TSC22D2: variants seen among roughly 807,000 people sequenced by gnomAD.
TSC22D2 encodes TSC22 domain family member 2.
TSC22D2 carries 5 observed loss-of-function variants against 50.1 expected under a neutral mutation model. The ratio of observed to expected loss-of-function variants is 0.10; its 90% CI spans 0.05 to 0.21. The LOEUF (loss-of-function observed/expected upper bound fraction) is 0.21, where lower values mean the gene tolerates loss of function less well. Among genes scored for constraint, TSC22D2 ranks in the 10% least tolerant of loss-of-function variants. The pLI is 1.00. For synonymous variants in TSC22D2, 501 were observed against 450.1 expected (o/e 1.11, Z -1.43); for missense variants, 1,003 against 1,015.5 (o/e 0.99, Z 0.17).
At chr3:150,457,003 CTT>C in intron 1 of TSC22D2, 71 bp from the exon 2 acceptor site, 1 of 1,341,250 alleles carries the variant, frequency 7.5e-7, no homozygotes, top group Non-Finnish European at 1.1e-6. Flanking sequence ...ACACAAATGT[CTT>C]TTACATTCTT....
rs1192857014 is a variant in TSC22D2, at chr3:150,411,266, C to G, written c.1916C>G (p.Ser639Cys). The change falls in exon 1 of 3, where the codon TCT (serine) becomes TGT (cysteine). Residue 639 changes from serine to cysteine, a missense_variant. By Grantham distance (112) the Ser-to-Cys change is moderately radical. Around this residue, in one of 6 missense-constraint regions of TSC22D2, gnomAD observed 696 missense variants for 647.8 expected, o/e 1.07. Coordinates refer to ENST00000688009, the MANE Select transcript of TSC22D2 (RefSeq NM_001303264.2). ...QLTPMNSLAT[S>C]VFSIAIPVDG... ...ACACCTATGAACAGTCTGGCCACCT[C>G]TGTATTCAGCATAGCTATTCCTGTT... 1.2e-6 allele frequency: 2 copies of G among 1,614,156 alleles called. No homozygotes were observed. Among genetic ancestry groups the G allele is most frequent in the Non-Finnish European group, 1.7e-6 (2 of 1,179,996 alleles).
rs527695257 is a variant in TSC22D2 at position 150,452,397 on chromosome 3, A to T, written c.1959-4679A>T. 2.0e-5 allele frequency among the ~76,000 whole-genome samples: 3 copies of T among 152,222 alleles called. No individual in the cohort carries two copies. The East Asian group carries it at 5.8e-4, about 29-fold the overall frequency. On this transcript the variant is annotated intron_variant, in intron 1 of 2. Transcript: ENST00000688009. ...GAGGAAGAAGTTGCGGTGAGCTGAGATCGCGCCATTTCACCCCAGCCTGGG... is the reference window on the plus strand; with the variant it reads ...GAGGAAGAAGTTGCGGTGAGCTGAGTTCGCGCCATTTCACCCCAGCCTGGG...
intron 1 of TSC22D2, among the ~76,000 whole-genome samples, chr3:150,424,337 T>C (rs1035613390): frequency 2.0e-5 from 3 of 152,230 alleles, no homozygotes; most frequent in African/African-American, 7.2e-5. Flanking sequence ...CTTTGGGGTA[T>C]GCTTTATAGT....
intron 1 of TSC22D2, among the ~76,000 whole-genome samples, chr3:150,415,261 C>T (rs912114075): frequency 1.3e-5 from 2 of 152,106 alleles, no homozygotes; most frequent in African/African-American, 4.8e-5. Flanking sequence ...GTGACACATA[C>T]TGTATAAAAT....
chr3:150,451,321 G>A (rs941078220), intron 1 of TSC22D2, among the ~76,000 whole-genome samples: 5 of 152,142 alleles, frequency 3.3e-5, no homozygotes, highest in Non-Finnish European at 5.9e-5. Context: ...GAACATTTTC[G>A]TTCTTAGCAA....
chr3:150,453,469 A>G (rs751203366), intron 1 of TSC22D2, among the ~76,000 whole-genome samples: 75 of 152,232 alleles, frequency 4.9e-4, no homozygotes, highest in Non-Finnish European at 9.8e-4. Flanking sequence ...TGGTATCTCC[A>G]TCGTAAATAT....
Position 150,411,006 on chromosome 3 carries a change from C to T in TSC22D2, c.1656C>T (p.Ser552=), listed in dbSNP as rs1719535650. 1.2e-6 allele frequency: 2 copies of T among 1,614,228 alleles called. No homozygotes were observed. Among genetic ancestry groups the T allele is most frequent in the Non-Finnish European group, 1.7e-6 (2 of 1,180,042 alleles). Residue 552 remains serine (S), a synonymous_variant, in exon 1 of 3, where the codon AGC becomes AGT. Transcript: ENST00000688009. ...SSHTPVSRSS[S]IIQHVGLPLA... ...ATACGCCAGTCAGCAGGAGCAGCAG[C>T]ATAATCCAGCATGTTGGGCTGCCCT...
Position 150,433,401 on chromosome 3 carries a change from G to A in TSC22D2, c.1958+22093G>A, listed in dbSNP as rs1020095235. Among the ~76,000 whole-genome samples the A allele has an allele frequency of 2.4e-4, 37 of 152,204 alleles. 1 individual carries two copies. The highest frequency in any genetic ancestry group is 6.5e-5 in the Admixed American group (1 of 15,286). The stretch of plus-strand genomic sequence containing the variant: ...ATCAATGCTAATGGTGGTATCCATA[G>A]TAGCTACGTATTTTCTACCAATAGC... On this transcript the variant is annotated intron_variant, in intron 1 of 2. Coordinates refer to ENST00000688009, the MANE Select transcript of TSC22D2 (RefSeq NM_001303264.2).
chr3:150,411,174 C>T lies in TSC22D2; in HGVS notation c.1824C>T (p.Leu608=). Residue 608 remains leucine, a synonymous_variant, in exon 1 of 3, where the codon CTC becomes CTT. Transcript: ENST00000688009. The part of the protein sequence containing the change: ...SEPLPQPPLS[L]IAENKPVVKP... ...CCCTACCTCAACCACCACTTTCTCTCATTGCTGAAAATAAGCCTGTTGTGA... is the reference window on the plus strand; with the variant it reads ...CCCTACCTCAACCACCACTTTCTCTTATTGCTGAAAATAAGCCTGTTGTGA... The T allele has an allele frequency of 1.9e-6, 3 of 1,614,184 alleles. No individual in the cohort carries two copies. Among genetic ancestry groups the T allele is most frequent in the Non-Finnish European group, 2.5e-6 (3 of 1,180,034 alleles).
intron 1 of TSC22D2, among the ~76,000 whole-genome samples, chr3:150,430,550 G>A (rs1379515742): frequency 6.6e-6 from 1 of 152,230 alleles, no homozygotes; most frequent in Non-Finnish European, 1.5e-5. Flanking sequence ...GTTTGGGAAG[G>A]AGAAAGTAGT....
intron 1 of TSC22D2, among the ~76,000 whole-genome samples, chr3:150,431,966 A>G (rs1720395892): frequency 6.6e-6 from 1 of 152,190 alleles, no homozygotes; most frequent in Non-Finnish European, 1.5e-5. Context: ...ATGTATTGCT[A>G]TCCTGTATAT....
At position 150,410,596 on chromosome 3, in the gene TSC22D2, G is replaced by A. The variant is rs865987569; in HGVS notation, c.1246G>A (p.Gly416Ser). Reference protein sequence around the residue: ...ATAATLPVGTGQNASSVGAQL... With the variant: ...ATAATLPVGTSQNASSVGAQL... ...GGCGGCCACCCTTCCCGTGGGCACC[G>A]GCCAGAATGCTTCCTCGGTGGGCGC... Residue 416 changes from glycine (G) to serine (S), a missense_variant, in exon 1 of 3, where the codon GGC (glycine) becomes AGC (serine). Physicochemically the swap from Gly to Ser is moderately conservative, Grantham distance 56. Coordinates refer to ENST00000688009, the MANE Select transcript of TSC22D2 (RefSeq NM_001303264.2). 6.4e-7 allele frequency: 1 copy of A among 1,562,240 alleles called. No individual in the cohort carries two copies. Among genetic ancestry groups the A allele is most frequent in the East Asian group, 2.4e-5 (1 of 42,092 alleles).
At chr3:150,451,306 CAGA>C (rs1353454374) in intron 1 of TSC22D2, among the ~76,000 whole-genome samples, 2 of 151,986 alleles carry the variant, frequency 1.3e-5, no homozygotes, top group Non-Finnish European at 2.9e-5. Flanking sequence ...TCTAACAAAC[CAGA>C]AGAACATTTT....
At chr3:150,419,834 A>G (rs1719945069) in intron 1 of TSC22D2, among the ~76,000 whole-genome samples, 1 of 152,180 alleles carries the variant, frequency 6.6e-6, no homozygotes, top group African/African-American at 2.4e-5. Flanking sequence ...GGAAAACAGC[A>G]TTTTTGTTTA....
chr3:150,444,773 T>C (rs1163382101), intron 1 of TSC22D2, among the ~76,000 whole-genome samples: 1 of 152,198 alleles, frequency 6.6e-6, no homozygotes, highest in Admixed American at 6.6e-5. Context: ...TTTTTGTCTC[T>C]GAAAATGTGC....
chr3:150,433,489 C>T (rs1186307328), intron 1 of TSC22D2, among the ~76,000 whole-genome samples: 1 of 152,108 alleles, frequency 6.6e-6, no homozygotes, highest in Non-Finnish European at 1.5e-5. Context: ...TGCATATCTG[C>T]CTGGTGATAA....
intron 1 of TSC22D2, among the ~76,000 whole-genome samples, chr3:150,424,319 T>C (rs1720103768): frequency 6.6e-6 from 1 of 152,178 alleles, no homozygotes; most frequent in African/African-American, 2.4e-5. Flanking sequence ...GTAGCCAGAA[T>C]GTGAGTACTT....
chr3:150,410,585 C>T lies in TSC22D2; in HGVS notation c.1235C>T (p.Pro412Leu), dbSNP rs1167262947. 4 of 1,556,264 alleles carry T rather than the reference C, an allele frequency of 2.6e-6. No individual in the cohort carries two copies. The highest frequency in any genetic ancestry group is 1.2e-5 in the South Asian group (1 of 84,930). Residue 412 changes from proline to leucine, a missense_variant, in exon 1 of 3, where the codon CCC becomes CTC. Around this residue, in one of 6 missense-constraint regions of TSC22D2, gnomAD observed 696 missense variants for 647.8 expected, o/e 1.07. Transcript: ENST00000688009. Reference protein sequence around the residue: ...AASPATAATLPVGTGQNASSV... With the variant: ...AASPATAATLLVGTGQNASSV... ...AGCCCCGCCACGGCGGCCACCCTTC[C>T]CGTGGGCACCGGCCAGAATGCTTCC...
At chr3:150,457,240 C>A in intron 2 of TSC22D2, 113 bp downstream of exon 2, 1 of 990,612 alleles carries the variant, frequency 1.0e-6, no homozygotes, top group Non-Finnish European at 1.5e-6. Context: ...ATGACCAAAT[C>A]ATGTTTTTTG....
Sources: gnomAD v4.1 joint callset for allele counts (sites outside exome capture counted in the v4.1 genomes callset) on GRCh38, gnomAD v4.1.1 for gene constraint, gnomAD v4.1.1 regional missense constraint, MANE v1.5 for transcripts, NCBI Gene and HGNC (gene_info 2026-07-23, HGNC 2026-07-21) for gene names.